Variants in ABCC4 observed in about 807,000 individuals in gnomAD.
ABCC4 encodes ATP binding cassette subfamily C member 4 (PEL blood group).
ABCC4 carries 102 observed loss-of-function variants against 168.5 expected under a neutral mutation model. The ratio of observed to expected loss-of-function variants is 0.61; its 90% CI spans 0.52 to 0.71. ABCC4 has a LOEUF of 0.71. ABCC4 is among the 30% of genes least tolerant of loss of function. The pLI, the probability that ABCC4 is intolerant of heterozygous loss-of-function variation, is 0.00. For synonymous variants in ABCC4, 617 were observed against 590.7 expected, an observed-to-expected ratio of 1.04 and a Z score of -0.65; for missense variants, 1,402 against 1,605.8, an observed-to-expected ratio of 0.87 and a Z score of 2.17.
chr13:95,025,245 ACCCACACACACACACACCCCCACACC>A (rs2031392288), intron 30 of ABCC4, among the ~76,000 whole-genome samples: 1 of 42,162 alleles, frequency 2.4e-5, no homozygotes, highest in Non-Finnish European at 4.3e-5. Context: ...ATACACACAC[ACCCACACACACACACACCCCCACACC>A]CCCACACACA....
At chr13:95,272,114 G>A (rs12865590) in intron 1 of ABCC4, among the ~76,000 whole-genome samples, 15,722 of 151,366 alleles carry the variant, frequency 0.1, 994 homozygotes, top group East Asian at 0.25. Flanking sequence ...GCACGATCTC[G>A]GCTCACTGCA....
At chr13:95,276,821 C>A (rs2040984110) in intron 1 of ABCC4, among the ~76,000 whole-genome samples, 1 of 152,172 alleles carries the variant, frequency 6.6e-6, no homozygotes, top group Non-Finnish European at 1.5e-5. Context: ...GAGTCCGAGA[C>A]CAGCCTGGCC....
At chr13:95,215,327 C>T (rs1045170256) in intron 4 of ABCC4, among the ~76,000 whole-genome samples, 12 of 151,552 alleles carry the variant, frequency 7.9e-5, no homozygotes, top group African/African-American at 2.7e-4. Context: ...CTTGAACCCA[C>T]GAGGCGGAGG....
intron 20 of ABCC4, among the ~76,000 whole-genome samples, chr13:95,084,755 G>A (rs962381690): frequency 3.3e-5 from 5 of 152,284 alleles, no homozygotes; most frequent in East Asian, 1.9e-4. Flanking sequence ...GTATGAGCAC[G>A]TGCAAGGCAC....
chr13:95,169,159 G>A (rs1008268904), intron 14 of ABCC4, among the ~76,000 whole-genome samples: 14 of 152,158 alleles, frequency 9.2e-5, no homozygotes, highest in Non-Finnish European at 1.8e-4. Flanking sequence ...GCGCGGCCCT[G>A]CGGACACCTT....
At chr13:95,084,432 A>G (rs929457561) in intron 20 of ABCC4, among the ~76,000 whole-genome samples, 3 of 152,256 alleles carry the variant, frequency 2.0e-5, no homozygotes, top group African/African-American at 7.2e-5. Flanking sequence ...ATAAGAAATT[A>G]GAGTTCATTA....
chr13:95,109,120 A>G (rs974352315), intron 20 of ABCC4, among the ~76,000 whole-genome samples: 2 of 152,192 alleles, frequency 1.3e-5, no homozygotes, highest in Non-Finnish European at 2.9e-5. Context: ...GATCCTGGAA[A>G]AGTACTTGGC....
intron 19 of ABCC4, 130 bp from the exon 20 acceptor site, chr13:95,116,131 C>A: frequency 1.7e-6 from 1 of 576,608 alleles, no homozygotes; most frequent in Non-Finnish European, 2.8e-6. Context: ...TGAAATAAGC[C>A]GATGTCAGTG....
At chr13:95,256,337 C>T (rs546884898) in intron 1 of ABCC4, among the ~76,000 whole-genome samples, 16 of 152,294 alleles carry the variant, frequency 1.1e-4, no homozygotes, top group Non-Finnish European at 2.2e-4. Flanking sequence ...AAGGATCTGA[C>T]GACTAGCCAG....
At chr13:95,299,160 G>C (rs942148707) in intron 1 of ABCC4, among the ~76,000 whole-genome samples, 6 of 151,538 alleles carry the variant, frequency 4.0e-5, no homozygotes, top group Non-Finnish European at 8.8e-5. Flanking sequence ...TCGGGAGGCT[G>C]AGGCAGGAGG....
chr13:95,022,006 G>C (rs2031114185), intron 30 of ABCC4, among the ~76,000 whole-genome samples: 1 of 152,106 alleles, frequency 6.6e-6, no homozygotes, highest in South Asian at 2.1e-4. Flanking sequence ...TTAAAAACAG[G>C]GTGACAAAGA....
intron 17 of ABCC4, 57 bp from the exon 18 acceptor site, chr13:95,163,273 AT>A: frequency 1.6e-6 from 2 of 1,226,056 alleles, no homozygotes; most frequent in Non-Finnish European, 1.2e-6. Context: ...AGATAAATAC[AT>A]TTTTTTAAAA....
At chr13:95,169,826 T>C (rs1224004469) in intron 14 of ABCC4, among the ~76,000 whole-genome samples, 1 of 152,218 alleles carries the variant, frequency 6.6e-6, no homozygotes, top group African/African-American at 2.4e-5. Flanking sequence ...TGCTCAGTTA[T>C]CCAACTGTGT....
chr13:95,227,655 T>G (rs1164279996), intron 4 of ABCC4, among the ~76,000 whole-genome samples: 2 of 152,152 alleles, frequency 1.3e-5, no homozygotes, highest in Admixed American at 1.3e-4. Flanking sequence ...AAAAGATTAG[T>G]TTGAGCCATA....
intron 19 of ABCC4, among the ~76,000 whole-genome samples, chr13:95,158,878 C>T (rs1164905601): frequency 1.3e-5 from 2 of 151,084 alleles, no homozygotes; most frequent in African/African-American, 2.4e-5. Flanking sequence ...GAGACCAGCC[C>T]GGGTAACATA....
At chr13:95,042,298 A>G (rs553214977) in intron 29 of ABCC4, among the ~76,000 whole-genome samples, 1 of 152,272 alleles carries the variant, frequency 6.6e-6, no homozygotes, top group South Asian at 2.1e-4. Flanking sequence ...ATCACAGTCC[A>G]GTTGCTTTAC....
chr13:95,171,814 A>AT (rs1218738437), intron 13 of ABCC4, among the ~76,000 whole-genome samples: 1 of 152,202 alleles, frequency 6.6e-6, no homozygotes, highest in South Asian at 2.1e-4. Flanking sequence ...CAAAAGGATT[A>AT]TTTTTTCCCC....
rs557071230 is a variant in ABCC4, at chr13:95,191,900, G to A, written c.1263+2936C>T. Reference sequence around the variant, plus strand: ...AGAGCAGGTTTCTGCCCCGCCGGGAGGCCTGGGACCCAGCACTGGTGGGCT... The same window carrying A: ...AGAGCAGGTTTCTGCCCCGCCGGGAAGCCTGGGACCCAGCACTGGTGGGCT... On this transcript the variant is annotated intron_variant, in intron 9 of 30. Transcript: ENST00000645237. 2.6e-5 allele frequency among the ~76,000 whole-genome samples: 4 copies of A among 152,326 alleles called. No individual in the cohort carries two copies. In the South Asian group the frequency reaches 6.2e-4, roughly 24 times the overall value.
chr13:95,115,931 A>T lies in ABCC4; in HGVS notation c.2526T>A (p.Asp842Glu). 1 of 1,611,956 alleles carries T rather than the reference A, an allele frequency of 6.2e-7. No homozygotes were observed. Among genetic ancestry groups the T allele is most frequent in the Non-Finnish European group, 8.5e-7 (1 of 1,179,272 alleles). ...LDDLLPLTFL[D>E]FIQTLLQVVG... Reference sequence around the variant, plus strand: ...TTACTCTCAACGTTACCTGGATGAAATCTAAAAACGTCAGCGGCAGCAAAT... The same window carrying T: ...TTACTCTCAACGTTACCTGGATGAATTCTAAAAACGTCAGCGGCAGCAAAT... Residue 842 changes from aspartate (D) to glutamate (E), a missense_variant, in exon 20 of 31, where the codon GAT becomes GAA. Physicochemically the swap from Asp to Glu is conservative, Grantham distance 45. This residue lies in a region of ABCC4 where 1,007 missense variants were observed against 1,127.3 expected (regional missense o/e 0.89). Transcript: ENST00000645237.
Sources: allele counts gnomAD v4.1 joint callset (sites outside exome capture counted in the v4.1 genomes callset), GRCh38; gene constraint gnomAD v4.1.1; regional missense constraint gnomAD v4.1.1; transcripts MANE v1.5; gene names NCBI Gene and HGNC (gene_info 2026-07-23, HGNC 2026-07-21).